PSAP: variants seen among roughly 807,000 people sequenced by gnomAD.
PSAP encodes the protein precursor of saposins.
A neutral mutation model predicts 66.0 loss-of-function variants in PSAP; 25 were observed. The ratio of observed to expected loss-of-function variants is 0.38; its 90% confidence interval spans 0.28 to 0.53. The LOEUF (loss-of-function observed/expected upper bound fraction) is 0.53, where lower values mean the gene tolerates loss of function less well. Ranked by LOEUF, PSAP falls within the 20% of genes least tolerant of loss-of-function variation. PSAP has a pLI of 0.83. For missense variants in PSAP, 649 were observed against 668.8 expected, an observed-to-expected ratio of 0.97 and a Z score of 0.33; for synonymous variants, 273 against 258.9, an observed-to-expected ratio of 1.05 and a Z score of -0.52.
intron 7 of PSAP, among the ~76,000 whole-genome samples, chr10:71,825,554 C>T (rs1408244246): frequency 6.6e-6 from 1 of 152,188 alleles, no homozygotes; most frequent in Admixed American, 6.5e-5. Flanking sequence ...TAAAGCCAGA[C>T]CTAGAAACCT....
At chr10:71,825,728 C>T in intron 7 of PSAP, 109 bp downstream of exon 7, 1 of 1,069,564 alleles carries the variant, frequency 9.3e-7, no homozygotes. Flanking sequence ...CAATTCAGCA[C>T]TCTAAGGTAA....
Position 71,831,868 on chromosome 10 carries a change from A to C in PSAP, c.227T>G (p.Met76Arg), listed in dbSNP as rs377024801. The change falls in exon 3 of 14, where the codon ATG becomes AGG. Residue 76 changes from methionine to arginine, a missense_variant. Transcript: ENST00000394936. ...CACCTCAGTGGCATTGTCCTTCAGC[A>C]TATCACCAGCTGCGGTGACAACGTC... ...CKDVVTAAGD[M>R]LKDNATEEEI... 2 of 1,614,076 alleles carry C rather than the reference A, an allele frequency of 1.2e-6. No individual in the cohort carries two copies.
chr10:71,849,131 A>G (rs1034676602), intron 1 of PSAP, among the ~76,000 whole-genome samples: 9 of 152,232 alleles, frequency 5.9e-5, no homozygotes, highest in African/African-American at 2.4e-5. Context: ...ATTGCCCTGA[A>G]TCAGTATAAA....
At chr10:71,842,490 A>G (rs1030987378) in intron 1 of PSAP, among the ~76,000 whole-genome samples, 21 of 152,362 alleles carry the variant, frequency 1.4e-4, no homozygotes, top group African/African-American at 5.1e-4. Flanking sequence ...CCACGTAAAC[A>G]CAAGCTCTTT....
chr10:71,829,503 G>A (rs754337995), intron 4 of PSAP, among the ~76,000 whole-genome samples: 74 of 152,316 alleles, frequency 4.9e-4, no homozygotes, highest in Admixed American at 8.5e-4. Context: ...CTTGCCTGCT[G>A]CCATGTAAGA....
rs1564814379 is a variant in PSAP, at chr10:71,818,636, T to C, written c.1520A>G (p.Glu507Gly). 3 of 1,613,788 alleles carry C rather than the reference T, an allele frequency of 1.9e-6. No homozygotes were observed. ...ACTCACATTGCACTGGGCTGCTGTC[T>C]CTGTGTTCTGGCACCAGTAGCTTGG... is the stretch of plus-strand genomic sequence containing the variant. ...WGPSYWCQNTETAAQCNAVEH... is the reference protein window; with the variant it reads ...WGPSYWCQNTGTAAQCNAVEH... The change falls in exon 13 of 14, where the codon GAG (glutamate) becomes GGG (glycine). Residue 507 changes from glutamate to glycine, a missense_variant. By Grantham distance (98) the Glu-to-Gly change is moderately conservative. Coordinates refer to ENST00000394936, the MANE Select transcript of PSAP (RefSeq NM_002778.4).
rs370598383 is a variant in PSAP at position 71,845,647 on chromosome 10, T to C, written c.40+5535A>G. On this transcript the variant is annotated intron_variant, in intron 1 of 13. Coordinates refer to ENST00000394936, the MANE Select transcript of PSAP (RefSeq NM_002778.4). ...TGACTGACCTGGCTTCCCACGTCCA[T>C]CTATTATCTACTCTAAACAGCTCGC... Among the ~76,000 whole-genome samples, 21 of 152,230 alleles carry C rather than the reference T, an allele frequency of 1.4e-4. 2 individuals are homozygous for C. The highest frequency in any genetic ancestry group is 5.1e-4 in the African/African-American group (21 of 41,530).
Position 71,825,961 on chromosome 10 carries a change from A to C in PSAP, c.721-68T>G, listed in dbSNP as rs371922458. 33 of 1,351,566 alleles carry C rather than the reference A, an allele frequency of 2.4e-5. No homozygotes were observed. The African/African-American group carries it at 2.6e-4, about 11-fold the overall frequency. 83.7% of individuals were successfully genotyped at this position (1,351,566 alleles called of 1,614,324 possible). On this transcript the variant is annotated intron_variant, in intron 6 of 13. Coordinates refer to ENST00000394936, the MANE Select transcript of PSAP (RefSeq NM_002778.4). ...ATGCACCAAAACCCAACCAACAAAAACCCCCCAGCATTTCCAACAGTGTCA... is the reference window on the plus strand; with the variant it reads ...ATGCACCAAAACCCAACCAACAAAACCCCCCCAGCATTTCCAACAGTGTCA...
Position 71,816,653 on chromosome 10 carries a change from C to G in PSAP, c.*788G>C, listed in dbSNP as rs562002355. 1 of 355,440 alleles carries G rather than the reference C, an allele frequency of 2.8e-6. No individual in the cohort carries two copies. The highest frequency in any genetic ancestry group is 2.1e-5 in the African/African-American group (1 of 46,854). 22.0% of individuals were successfully genotyped at this position (355,440 alleles called of 1,614,324 possible). A position where few individuals can be genotyped will look rare whatever the true frequency, so the allele number is the denominator to read the frequency against. On this transcript the variant is annotated 3_prime_UTR_variant, in exon 14 of 14. Coordinates refer to ENST00000394936, the MANE Select transcript of PSAP (RefSeq NM_002778.4). ...AACAGCCAGGGACATGTAGGCAACA[C>G]GAGCAGGCACAGCGCGGCCACCACT...
chr10:71,818,806 TC>T, intron 12 of PSAP, 82 bp from the exon 13 acceptor site: 1 of 1,262,338 alleles, frequency 7.9e-7, no homozygotes, highest in Non-Finnish European at 1.2e-6. Flanking sequence ...GAAAACAGTT[TC>T]CAGAAGGAGC....
chr10:71,850,514 GA>G (rs1470685854), intron 1 of PSAP, among the ~76,000 whole-genome samples: 1 of 151,762 alleles, frequency 6.6e-6, no homozygotes, highest in Non-Finnish European at 1.5e-5. Context: ...CGTGCCTCCC[GA>G]AAATATGTAA....
intron 7 of PSAP, among the ~76,000 whole-genome samples, chr10:71,824,339 G>C (rs777630686): frequency 4.6e-5 from 7 of 152,204 alleles, no homozygotes; most frequent in Non-Finnish European, 1.0e-4. Context: ...AGGGGGGTAA[G>C]GGATCCCTGA....
chr10:71,830,416 G>A (rs1842489630), intron 4 of PSAP, among the ~76,000 whole-genome samples: 1 of 152,188 alleles, frequency 6.6e-6, no homozygotes, highest in Non-Finnish European at 1.5e-5. Context: ...TTCCGGACTT[G>A]CAGCTTCCCT....
At chr10:71,819,186 G>A (rs1842240209) in intron 11 of PSAP, 75 bp from the exon 12 acceptor site, 2 of 1,337,348 alleles carry the variant, frequency 1.5e-6, no homozygotes, top group South Asian at 2.4e-5. Context: ...GGCCAGGCAG[G>A]CCCTGGATAC....
chr10:71,845,110 T>C (rs1017332566), intron 1 of PSAP, among the ~76,000 whole-genome samples: 3 of 152,240 alleles, frequency 2.0e-5, no homozygotes, highest in Non-Finnish European at 2.9e-5. Context: ...AACATACATA[T>C]ATAAATAAGA....
chr10:71,825,167 C>T (rs911242533), intron 7 of PSAP, among the ~76,000 whole-genome samples: 3 of 152,244 alleles, frequency 2.0e-5, no homozygotes, highest in African/African-American at 4.8e-5. Flanking sequence ...CAAACTCAAA[C>T]GCTGGTATGT....
At chr10:71,836,856 C>G (rs1208025353) in intron 1 of PSAP, among the ~76,000 whole-genome samples, 1 of 152,176 alleles carries the variant, frequency 6.6e-6, no homozygotes, top group Non-Finnish European at 1.5e-5. Context: ...TGCCTACTTC[C>G]TCTAGGAATG....
intron 2 of PSAP, among the ~76,000 whole-genome samples, chr10:71,833,288 A>C (rs921662807): frequency 3.3e-5 from 5 of 152,078 alleles, no homozygotes; most frequent in Admixed American, 3.3e-4. Flanking sequence ...TAAAAACACT[A>C]TCTCTACAAA....
rs570373453 is a variant in PSAP at position 71,829,550 on chromosome 10, T to G, written c.376-473A>C. ...TCCTCCTTCACCTTCCACCATGATTTTGAGGCCCCCCCAGCCACGTGGAAC... is the reference window on the plus strand; with the variant it reads ...TCCTCCTTCACCTTCCACCATGATTGTGAGGCCCCCCCAGCCACGTGGAAC... On this transcript the variant is annotated intron_variant, in intron 4 of 13. Transcript: ENST00000394936. 1.6e-4 allele frequency among the ~76,000 whole-genome samples: 25 copies of G among 152,334 alleles called. No homozygotes were observed. In the South Asian group the frequency reaches 5.0e-3, roughly 30 times the overall value.
Sources: allele counts gnomAD v4.1 joint callset (sites outside exome capture counted in the v4.1 genomes callset), GRCh38; gene constraint gnomAD v4.1.1; transcripts MANE v1.5; gene names NCBI Gene and HGNC (gene_info 2026-07-23, HGNC 2026-07-21).